DEFB4B: variants seen among roughly 807,000 people sequenced by gnomAD.
DEFB4B encodes the protein beta-defensin 4B.
At chr8:7,416,495 T>C (rs959091538) in intron 1 of DEFB4B, among the ~76,000 whole-genome samples, 4 of 151,406 alleles carry the variant, frequency 2.6e-5, no homozygotes, top group African/African-American at 7.3e-5. Context: ...CTTGGTTCAA[T>C]TAAATAGGGC....
intron 1 of DEFB4B, among the ~76,000 whole-genome samples, chr8:7,415,706 T>A (rs1421013282): frequency 4.3e-5 from 3 of 69,036 alleles, no homozygotes; most frequent in African/African-American, 1.7e-4. Context: ...CCTCCCTCCC[T>A]CCCTCCCTCC....
intron 1 of DEFB4B, among the ~76,000 whole-genome samples, chr8:7,415,674 C>A (rs1808808233): frequency 7.1e-6 from 1 of 140,730 alleles, no homozygotes; most frequent in South Asian, 2.3e-4. Flanking sequence ...GTTTCAACCT[C>A]ATTCTTCTTT....
chr8:7,415,717 C>CTCCG (rs1320348824), intron 1 of DEFB4B, among the ~76,000 whole-genome samples: 2 of 128,296 alleles, frequency 1.6e-5, no homozygotes, highest in Non-Finnish European at 3.3e-5. Context: ...CCCTCCCTCC[C>CTCCG]TCCCTCCTTC....
intron 1 of DEFB4B, among the ~76,000 whole-genome samples, chr8:7,415,706 TCC>T (rs1808812974): frequency 1.4e-5 from 1 of 69,036 alleles, no homozygotes; most frequent in African/African-American, 5.6e-5. Context: ...CCTCCCTCCC[TCC>T]CTCCCTCCCT....
At chr8:7,416,356 G>T (rs1172945123) in intron 1 of DEFB4B, among the ~76,000 whole-genome samples, 9 of 151,756 alleles carry the variant, frequency 5.9e-5, no homozygotes, top group African/African-American at 2.2e-4. Context: ...CATAGTCTCA[G>T]CAGTTGTAGC....
chr8:7,415,537 G>A, intron 1 of DEFB4B, among the ~76,000 whole-genome samples: 1 of 151,336 alleles, frequency 6.6e-6, no homozygotes, highest in African/African-American at 2.4e-5. Context: ...ATCTGAGATG[G>A]GATAAAAAGA....
At chr8:7,416,200 G>A (rs1436694834) in intron 1 of DEFB4B, among the ~76,000 whole-genome samples, 1 of 151,320 alleles carries the variant, frequency 6.6e-6, no homozygotes, top group Non-Finnish European at 1.5e-5. Context: ...AGTATAGGCT[G>A]GGCCTTAAGA....
intron 1 of DEFB4B, among the ~76,000 whole-genome samples, chr8:7,415,485 A>G (rs1475737186): frequency 2.0e-5 from 3 of 151,330 alleles, no homozygotes; most frequent in Admixed American, 6.6e-5. Context: ...ACAAGCCAGT[A>G]AACTTTTGCT....
At chr8:7,416,592 A>G (rs1244207542) in intron 1 of DEFB4B, among the ~76,000 whole-genome samples, 178 bp downstream of exon 1, 2 of 149,268 alleles carry the variant, frequency 1.3e-5, no homozygotes, top group Admixed American at 6.8e-5. Context: ...AAGACAGAAA[A>G]AAAGAGAGAG....
intron 1 of DEFB4B, among the ~76,000 whole-genome samples, chr8:7,415,827 C>A (rs1480273014): frequency 1.3e-5 from 2 of 148,640 alleles, no homozygotes; most frequent in Non-Finnish European, 1.5e-5. Flanking sequence ...AACATGAGGT[C>A]TCTGGTGCCT....
intron 1 of DEFB4B, among the ~76,000 whole-genome samples, chr8:7,416,463 T>G (rs1157121985): frequency 6.6e-6 from 1 of 151,744 alleles, no homozygotes; most frequent in Non-Finnish European, 1.5e-5. Context: ...CTCAAACTCC[T>G]TTTCTATTGA....
At chr8:7,415,722 T>TCCCC (rs1332539639) in intron 1 of DEFB4B, among the ~76,000 whole-genome samples, 1 of 85,984 alleles carries the variant, frequency 1.2e-5, no homozygotes, top group Non-Finnish European at 2.2e-5. Context: ...CCTCCCTCCC[T>TCCCC]CCTTCCCTCC....
At chr8:7,415,675 ATTC>A (rs1230784986) in intron 1 of DEFB4B, among the ~76,000 whole-genome samples, 1 of 132,026 alleles carries the variant, frequency 7.6e-6, no homozygotes, top group Admixed American at 8.2e-5. Context: ...TTTCAACCTC[ATTC>A]TTCTTTTTTT....
intron 1 of DEFB4B, among the ~76,000 whole-genome samples, chr8:7,415,681 CT>C (rs908034975): frequency 2.8e-5 from 4 of 140,458 alleles, no homozygotes; most frequent in Admixed American, 7.4e-5. Context: ...CCTCATTCTT[CT>C]TTTTTTATCC....
At chr8:7,416,252 A>G (rs1432839908) in intron 1 of DEFB4B, among the ~76,000 whole-genome samples, 1 of 151,674 alleles carries the variant, frequency 6.6e-6, no homozygotes, top group African/African-American at 2.4e-5. Context: ...CCCTTTAAAT[A>G]TAAAAATTTA....
intron 1 of DEFB4B, among the ~76,000 whole-genome samples, chr8:7,415,725 T>TCCCTCCCTCCCTCCC (rs1808817707): frequency 5.2e-5 from 2 of 38,242 alleles, no homozygotes; most frequent in Non-Finnish European, 5.1e-5. Flanking sequence ...CCCTCCCTCC[T>TCCCTCCCTCCCTCCC]TCCCTCCCTC....
chr8:7,416,450 G>A (rs1406821917), intron 1 of DEFB4B, among the ~76,000 whole-genome samples: 2 of 151,792 alleles, frequency 1.3e-5, no homozygotes. Context: ...TGTCCATTGG[G>A]TTCTCAAACT....
intron 1 of DEFB4B, among the ~76,000 whole-genome samples, chr8:7,415,781 C>T (rs900556606): frequency 6.8e-6 from 1 of 146,702 alleles, no homozygotes; most frequent in African/African-American, 2.5e-5. Flanking sequence ...CCCTGCCTCC[C>T]CGCCTTCCTT....
chr8:7,415,881 A>C (rs1449345005), intron 1 of DEFB4B, among the ~76,000 whole-genome samples: 7 of 148,822 alleles, frequency 4.7e-5, no homozygotes, highest in African/African-American at 1.7e-4. Context: ...CTCATAAATA[A>C]GATTGGTAAA....
Sources: gnomAD v4.1 joint callset for allele counts (sites outside exome capture counted in the v4.1 genomes callset) on GRCh38, gnomAD v4.1.1 for gene constraint, MANE v1.5 for transcripts, NCBI Gene and HGNC (gene_info 2026-07-23, HGNC 2026-07-21) for gene names.